RILPL2: variants seen among roughly 807,000 people sequenced by gnomAD.
The protein encoded by RILPL2 is RILP-like protein 2.
A neutral mutation model predicts 22.2 loss-of-function variants in RILPL2; 19 were observed. The observed-to-expected ratio is 0.86, with a 90% CI of 0.60 to 1.25. The LOEUF (loss-of-function observed/expected upper bound fraction) is 1.25, where lower values mean the gene tolerates loss of function less well. RILPL2 is among the 50% of genes most tolerant of loss of function. RILPL2 has a pLI of 0.00. For synonymous variants in RILPL2, 123 were observed against 111.6 expected (o/e 1.10, Z -0.64); for missense variants, 243 against 263.6 (o/e 0.92, Z 0.54).
chr12:123,429,381 C>T (rs548475409), intron 2 of RILPL2, among the ~76,000 whole-genome samples: 13 of 152,122 alleles, frequency 8.5e-5, no homozygotes, highest in South Asian at 2.1e-4. Flanking sequence ...CTGCAACCTC[C>T]GCCTTCTGGT....
intron 3 of RILPL2, among the ~76,000 whole-genome samples, chr12:123,422,225 TA>T (rs34372731): frequency 0.18 from 26,159 of 145,868 alleles, 2,413 homozygotes; most frequent in Middle Eastern, 0.28. Flanking sequence ...ACCAGCTAAT[TA>T]AAAAAAAAAA....
intron 2 of RILPL2, among the ~76,000 whole-genome samples, chr12:123,426,604 C>CT (rs1037982974): frequency 5.3e-5 from 8 of 151,334 alleles, no homozygotes; most frequent in African/African-American, 1.9e-4. Flanking sequence ...TTCTTTCTTT[C>CT]TTTTTTTTCT....
chr12:123,434,581 G>A (rs979489997), intron 1 of RILPL2, among the ~76,000 whole-genome samples: 20 of 151,670 alleles, frequency 1.3e-4, no homozygotes, highest in African/African-American at 3.1e-4. Context: ...CCGCCACCAC[G>A]CCCGGCTAAT....
intron 3 of RILPL2, among the ~76,000 whole-genome samples, chr12:123,420,527 C>T (rs1168104433): frequency 1.3e-5 from 2 of 152,042 alleles, no homozygotes; most frequent in East Asian, 1.9e-4. Context: ...ACCTCTGCCT[C>T]CTGGGCTCAG....
At chr12:123,412,470 G>A (rs907381925), downstream of RILPL2, 5 of 152,190 alleles carry the variant, frequency 3.3e-5, no homozygotes, top group African/African-American at 7.2e-5. Flanking sequence ...GGGTTCTAGG[G>A]ATTAGGAGCC....
intron 3 of RILPL2, among the ~76,000 whole-genome samples, chr12:123,421,887 C>G (rs980907953): frequency 2.6e-5 from 4 of 151,624 alleles, no homozygotes; most frequent in African/African-American, 9.7e-5. Context: ...AGGCTGGTCT[C>G]GAACTCCTGA....
At chr12:123,428,463 G>A (rs1566092380) in intron 2 of RILPL2, among the ~76,000 whole-genome samples, 2 of 152,172 alleles carry the variant, frequency 1.3e-5, no homozygotes, top group Non-Finnish European at 2.9e-5. Flanking sequence ...TGAGACAAAG[G>A]TCTTTCCATG....
intron 3 of RILPL2, among the ~76,000 whole-genome samples, chr12:123,419,937 T>C (rs1160050444): frequency 1.4e-5 from 2 of 146,670 alleles, no homozygotes; most frequent in Non-Finnish European, 3.0e-5. Context: ...GCGATTCTCC[T>C]GCCTCAGCCT....
chr12:123,428,994 A>G (rs542529187), intron 2 of RILPL2, among the ~76,000 whole-genome samples: 1 of 152,294 alleles, frequency 6.6e-6, no homozygotes, highest in East Asian at 1.9e-4. Context: ...CCTTTTCAAA[A>G]AATACCTAAG....
rs1332838585 is a variant in RILPL2, at chr12:123,436,366, C to G, written c.55G>C (p.Glu19Gln). The change falls in exon 1 of 4, where the codon GAG (glutamate) becomes CAG (glutamine). Residue 19 changes from glutamate (E) to glutamine (Q), a missense_variant. By Grantham distance (29) the Glu-to-Gln change is conservative. Transcript: ENST00000280571. The surrounding 1 kb of genome is among the most constrained non-coding windows in gnomAD (Gnocchi z 6.7). ...CCCTCGGGCCCAACCTCGTCCCTCT[C>G]CTCGTCCTCCTCTCCCTCCTCCTCT... ...EEEEEGEEDE[E>Q]RDEVGPEGAL... The G allele has an allele frequency of 6.4e-7, 1 of 1,554,184 alleles. No individual in the cohort carries two copies. The highest frequency in any genetic ancestry group is 2.4e-5 in the East Asian group (1 of 41,116).
At chr12:123,422,924 C>A in intron 3 of RILPL2, 120 bp downstream of exon 3, 1 of 693,858 alleles carries the variant, frequency 1.4e-6, no homozygotes, top group Non-Finnish European at 2.6e-6. Context: ...GGCTGCAGCA[C>A]CACAACCGGG....
intron 1 of RILPL2, among the ~76,000 whole-genome samples, chr12:123,432,633 G>A (rs540467795): frequency 6.6e-6 from 1 of 152,332 alleles, no homozygotes; most frequent in East Asian, 1.9e-4. Context: ...AAGAAAATAT[G>A]CCATCTCATC....
At chr12:123,426,896 C>T (rs192833483) in intron 2 of RILPL2, among the ~76,000 whole-genome samples, 82 of 151,786 alleles carry the variant, frequency 5.4e-4, no homozygotes, top group Middle Eastern at 6.8e-3. Flanking sequence ...GCCACCGCGG[C>T]CAGCCGACTC....
chr12:123,423,487 C>T (rs1279683011), intron 2 of RILPL2, among the ~76,000 whole-genome samples: 2 of 151,864 alleles, frequency 1.3e-5, no homozygotes, highest in African/African-American at 2.4e-5. Context: ...AGGCATGAAC[C>T]ACTGAGCCTG....
At chr12:123,434,390 C>T (rs1879729844) in intron 1 of RILPL2, among the ~76,000 whole-genome samples, 1 of 151,672 alleles carries the variant, frequency 6.6e-6, no homozygotes, top group Non-Finnish European at 1.5e-5. Context: ...GGTATTCCAG[C>T]CTGGATGACA....
chr12:123,424,514 A>C (rs892070327), intron 2 of RILPL2, among the ~76,000 whole-genome samples: 12 of 152,128 alleles, frequency 7.9e-5, no homozygotes, highest in South Asian at 6.2e-4. Context: ...TATTTTTAGC[A>C]GAGACAGGGT....
Position 123,415,637 on chromosome 12 carries a change from C to T in RILPL2, c.*254G>A. ...TGGGAGCAGGAAGTGGACCCCCCCA[C>T]CCTGCACATCCCTTCTGTTTTTCTT... On this transcript the variant is annotated 3_prime_UTR_variant, in exon 4 of 4. Coordinates refer to ENST00000280571, the MANE Select transcript of RILPL2 (RefSeq NM_145058.3). The T allele has an allele frequency of 1.7e-6, 1 of 581,172 alleles. No homozygotes were observed. The highest frequency in any genetic ancestry group is 3.1e-6 in the Non-Finnish European group (1 of 324,392). 36.0% of individuals were successfully genotyped at this position (581,172 alleles called of 1,614,324 possible). A position where few individuals can be genotyped will look rare whatever the true frequency, so the allele number is the denominator to read the frequency against.
At chr12:123,419,105 G>A (rs1242416452) in intron 3 of RILPL2, among the ~76,000 whole-genome samples, 1 of 151,456 alleles carries the variant, frequency 6.6e-6, no homozygotes, top group Non-Finnish European at 1.5e-5. Context: ...CTGCCTGCTG[G>A]GTTCACGCCA....
downstream of RILPL2, chr12:123,413,563 T>C (rs1879031287): frequency 6.6e-6 from 1 of 152,304 alleles, no homozygotes; most frequent in South Asian, 2.1e-4. Flanking sequence ...TTACAGCTCA[T>C]AAAAGCAGTG....
Sources: allele counts gnomAD v4.1 joint callset (sites outside exome capture counted in the v4.1 genomes callset), GRCh38; gene constraint gnomAD v4.1.1; non-coding constraint Gnocchi (gnomAD v3.1); transcripts MANE v1.5; gene names NCBI Gene and HGNC (gene_info 2026-07-23, HGNC 2026-07-21).